LARP1B: variants seen among roughly 807,000 people sequenced by gnomAD.
LARP1B encodes la-related protein 1B.
In LARP1B, 76 loss-of-function variants were observed where a neutral mutation model predicts 114.2. That is an observed-to-expected ratio of 0.67 (90% CI 0.55 to 0.81). LARP1B has a LOEUF of 0.81. Among genes scored for constraint, LARP1B ranks in the 30% least tolerant of loss-of-function variants. The probability of loss-of-function intolerance (pLI) is 0.00; values close to 1 mark genes in which losing one functional copy is unlikely to be tolerated. For missense variants in LARP1B, 1,014 were observed against 1,075.8 expected, an observed-to-expected ratio of 0.94 and a Z score of 0.80; for synonymous variants, 345 against 348.0, an observed-to-expected ratio of 0.99 and a Z score of 0.10.
intron 15 of LARP1B, among the ~76,000 whole-genome samples, chr4:128,182,006 G>T (rs1581372756): frequency 6.7e-6 from 1 of 149,708 alleles, no homozygotes; most frequent in East Asian, 2.0e-4. Context: ...TAGAGACGGG[G>T]TTTCACCGTG....
intron 1 of LARP1B, among the ~76,000 whole-genome samples, chr4:128,073,572 G>GGTTT (rs1766384506): frequency 2.5e-5 from 1 of 39,996 alleles, no homozygotes; most frequent in Non-Finnish European, 5.0e-5. Flanking sequence ...TATTGTTGTC[G>GGTTT]TTTTTTTTTT....
At chr4:128,083,685 C>A in intron 5 of LARP1B, among the ~76,000 whole-genome samples, 1 of 133,578 alleles carries the variant, frequency 7.5e-6, no homozygotes, top group Non-Finnish European at 1.6e-5. Flanking sequence ...AGCCCCCCCA[C>A]CTCCCTCCCG....
intron 11 of LARP1B, chr4:128,123,220 C>T (rs1370718478): frequency 1.8e-5 from 18 of 985,268 alleles, no homozygotes; most frequent in Middle Eastern, 5.2e-4. Flanking sequence ...TCTTGGAGGA[C>T]CTGCCTCAGG....
chr4:128,100,665 T>A (rs1269033392), intron 8 of LARP1B, among the ~76,000 whole-genome samples: 1 of 152,192 alleles, frequency 6.6e-6, no homozygotes, highest in African/African-American at 2.4e-5. Flanking sequence ...AGTGGAAATG[T>A]CTGTTCAGAT....
At chr4:128,146,898 T>C (rs896665260) in intron 11 of LARP1B, among the ~76,000 whole-genome samples, 4 of 152,176 alleles carry the variant, frequency 2.6e-5, no homozygotes, top group African/African-American at 9.7e-5. Context: ...ATAACGAATA[T>C]TCTATATTAT....
chr4:128,095,937 C>A (rs901163784), intron 7 of LARP1B, among the ~76,000 whole-genome samples: 1 of 150,138 alleles, frequency 6.7e-6, no homozygotes, highest in Non-Finnish European at 1.5e-5. Flanking sequence ...TCCCGTTTGT[C>A]TTCTTCTCTG....
At chr4:128,090,116 A>G (rs545814881) in intron 5 of LARP1B, among the ~76,000 whole-genome samples, 68 of 146,472 alleles carry the variant, frequency 4.6e-4, no homozygotes, top group African/African-American at 1.6e-3. Flanking sequence ...TCTGTAGCCC[A>G]GGCTGGAGTG....
intron 4 of LARP1B, among the ~76,000 whole-genome samples, chr4:128,080,156 T>A (rs1769739375): frequency 6.6e-6 from 1 of 152,106 alleles, no homozygotes; most frequent in East Asian, 1.9e-4. Context: ...TTTGTATTTT[T>A]TTTTTTTAGT....
chr4:128,165,972 C>T (rs1357675592), intron 12 of LARP1B, among the ~76,000 whole-genome samples: 1 of 152,022 alleles, frequency 6.6e-6, no homozygotes, highest in Non-Finnish European at 1.5e-5. Flanking sequence ...AGCATCAAGT[C>T]TCATGGGTTT....
At chr4:128,098,559 C>G (rs965711336) in intron 8 of LARP1B, among the ~76,000 whole-genome samples, 3 of 150,834 alleles carry the variant, frequency 2.0e-5, no homozygotes, top group African/African-American at 7.3e-5. Context: ...TTCCCCTCCC[C>G]CTCAATTAGT....
chr4:128,179,089 T>C (rs1747447844), intron 14 of LARP1B, among the ~76,000 whole-genome samples: 1 of 152,138 alleles, frequency 6.6e-6, no homozygotes, highest in Admixed American at 6.5e-5. Flanking sequence ...TAAGACCCCA[T>C]TTAAAAATAA....
chr4:128,160,623 G>A (rs1406747428), intron 11 of LARP1B, among the ~76,000 whole-genome samples: 1 of 152,064 alleles, frequency 6.6e-6, no homozygotes, highest in East Asian at 1.9e-4. Context: ...GTAGAATTGT[G>A]TTATTTATCT....
At chr4:128,106,526 AGTTTT>A (rs1416811999) in intron 8 of LARP1B, among the ~76,000 whole-genome samples, 1 of 151,940 alleles carries the variant, frequency 6.6e-6, no homozygotes, top group African/African-American at 2.4e-5. Context: ...ATTTTGGCCT[AGTTTT>A]GTTTTATCCT....
intron 5 of LARP1B, among the ~76,000 whole-genome samples, chr4:128,083,632 C>G (rs1245764127): frequency 6.9e-6 from 1 of 145,328 alleles, no homozygotes; most frequent in Non-Finnish European, 1.5e-5. Context: ...CTGACCCCCC[C>G]ACCTCCCTCC....
chr4:128,210,429 T>C lies in LARP1B; in HGVS notation c.*376T>C, dbSNP rs1758773839. 4.8e-6 allele frequency: 5 copies of C among 1,032,712 alleles called. No homozygotes were observed. Among genetic ancestry groups the C allele is most frequent in the Non-Finnish European group, 5.8e-6 (5 of 856,972 alleles). The allele number at this position is 1,032,712 out of a possible 1,614,324, so 64.0% of individuals were successfully genotyped here. A position where few individuals can be genotyped will look rare whatever the true frequency, so the allele number is the denominator to read the frequency against. Reference sequence around the variant, plus strand: ...GAATGCCTAACATTTCAGCTCATACTTCTTAAAGAAGATATAGTATGTTGT... The same window carrying C: ...GAATGCCTAACATTTCAGCTCATACCTCTTAAAGAAGATATAGTATGTTGT... On this transcript the variant is annotated 3_prime_UTR_variant, in exon 20 of 20. Coordinates refer to ENST00000326639, the MANE Select transcript of LARP1B (RefSeq NM_018078.4).
At chr4:128,190,618 G>A (rs755949028) in intron 15 of LARP1B, among the ~76,000 whole-genome samples, 19 of 152,026 alleles carry the variant, frequency 1.2e-4, no homozygotes, top group African/African-American at 4.1e-4. Context: ...AGTGTTTGAC[G>A]GTTTCTCCTT....
intron 9 of LARP1B, chr4:128,108,059 G>C: frequency 6.8e-7 from 1 of 1,462,206 alleles, no homozygotes; most frequent in East Asian, 2.5e-5. Flanking sequence ...GGAGGAAGTT[G>C]GGCCAACACT....
At chr4:128,070,089 T>C (rs964934066) in intron 1 of LARP1B, among the ~76,000 whole-genome samples, 1 of 151,884 alleles carries the variant, frequency 6.6e-6, no homozygotes, top group Admixed American at 6.6e-5. Flanking sequence ...GAGGCTGAGG[T>C]GGGCGGATCA....
Position 128,109,210 on chromosome 4 carries a change from C to T in LARP1B, c.988+1897C>T, listed in dbSNP as rs149493397. 1.6e-4 allele frequency among the ~76,000 whole-genome samples: 25 copies of T among 152,014 alleles called. No individual in the cohort carries two copies. In the East Asian group the frequency reaches 4.6e-3, roughly 28 times the overall value. On this transcript the variant is annotated intron_variant, in intron 9 of 19. Transcript: ENST00000326639. ...TAAGTCAATGGAGAGTAGTATGTCA[C>T]CAAAAATTTGAAGTGGAAATAGAGA...
Sources: gnomAD v4.1 joint callset for allele counts (sites outside exome capture counted in the v4.1 genomes callset) on GRCh38, gnomAD v4.1.1 for gene constraint, MANE v1.5 for transcripts, NCBI Gene and HGNC (gene_info 2026-07-23, HGNC 2026-07-21) for gene names.